Variants in BMF observed in about 807,000 individuals in gnomAD.
BMF encodes the protein bcl-2-modifying factor.
Under a neutral mutation model 22.0 loss-of-function variants are expected in BMF, and 10 were observed. That is an observed-to-expected ratio of 0.45 (90% confidence interval 0.28 to 0.77). The LOEUF (loss-of-function observed/expected upper bound fraction) is 0.77. Among genes scored for constraint, BMF ranks in the 30% least tolerant of loss-of-function variants. BMF has a pLI of 0.13. For synonymous variants in BMF, 87 were observed against 88.1 expected (o/e 0.99, Z 0.07); for missense variants, 206 against 226.8 (o/e 0.91, Z 0.59).
At chr15:40,093,100 G>A (rs1014462073) in intron 4 of BMF, among the ~76,000 whole-genome samples, 1 of 152,224 alleles carries the variant, frequency 6.6e-6, no homozygotes, top group Non-Finnish European at 1.5e-5. Flanking sequence ...TGGAAAGGGG[G>A]CCCAGGTTGC....
intron 3 of BMF, 111 bp downstream of exon 3, chr15:40,105,684 C>T (rs775940240): frequency 1.4e-5 from 18 of 1,304,682 alleles, no homozygotes; most frequent in Non-Finnish European, 1.9e-5. Context: ...AATCAACAGC[C>T]CCGCTGATCA....
rs2036539525 is a variant in BMF, at chr15:40,104,280, T to A, written c.353A>T (p.Glu118Val). 2 of 1,614,076 alleles carry A rather than the reference T, an allele frequency of 1.2e-6. No homozygotes were observed. Among genetic ancestry groups the A allele is most frequent in the African/African-American group, 2.7e-5 (2 of 75,006 alleles). ...ASFPAVLPIG[E>V]QPPEGQWQHQ... ...TTGCCACTGCCCTTCGGGGGGCTGC[T>A]CCCCAATGGGCAAGACTGCTGGGAA... Residue 118 changes from glutamate (E) to valine (V), a missense_variant, in exon 4 of 5, where the codon GAG becomes GTG. Transcript: ENST00000354670.
At chr15:40,100,317 G>A (rs1006051487) in intron 4 of BMF, among the ~76,000 whole-genome samples, 13 of 152,176 alleles carry the variant, frequency 8.5e-5, no homozygotes, top group Admixed American at 5.9e-4. Context: ...CAGGGAGGAA[G>A]TACATCTGCA....
intron 3 of BMF, among the ~76,000 whole-genome samples, chr15:40,104,887 C>A (rs908450648): frequency 6.6e-6 from 1 of 152,336 alleles, no homozygotes; most frequent in South Asian, 2.1e-4. Flanking sequence ...TGCCAAGTTG[C>A]TCTCCGGAGA....
chr15:40,102,480 G>T (rs1343157250), intron 4 of BMF, among the ~76,000 whole-genome samples: 1 of 150,386 alleles, frequency 6.6e-6, no homozygotes, highest in African/African-American at 2.5e-5. Flanking sequence ...TCCTCCTCCT[G>T]TTCAGGACCA....
chr15:40,100,643 G>A (rs1803229492), intron 4 of BMF, among the ~76,000 whole-genome samples: 1 of 152,212 alleles, frequency 6.6e-6, no homozygotes, highest in African/African-American at 2.4e-5. Context: ...GAGTCACCCT[G>A]AACTGGTAAC....
rs2036578628 is a variant in BMF, at chr15:40,105,914, G to C, written c.173C>G (p.Pro58Arg). ...TTCCTGGCTGGTGGGTCGAAGGCCA[G>C]GGCCACAGCAGTGGGTGAGAGGGAA... ...QLFPLTHCCG[P>R]GLRPTSQEDK... is the part of the protein sequence containing the mutation. Residue 58 changes from proline (P) to arginine (R), a missense_variant, in exon 3 of 5, where the codon CCT becomes CGT. By Grantham distance (103) the Pro-to-Arg change is moderately radical. Coordinates refer to ENST00000354670, the MANE Select transcript of BMF (RefSeq NM_001003940.2). 1 of 1,614,172 alleles carries C rather than the reference G, an allele frequency of 6.2e-7. No individual in the cohort carries two copies. The highest frequency in any genetic ancestry group is 8.5e-7 in the Non-Finnish European group (1 of 1,180,026).
intron 4 of BMF, 65 bp from the exon 5 acceptor site, chr15:40,091,953 C>T: frequency 8.1e-7 from 1 of 1,228,310 alleles, no homozygotes. Context: ...GACTCCCTCT[C>T]ATTTCCAGTA....
chr15:40,106,880 A>C lies in BMF; in HGVS notation c.-5-789T>G, dbSNP rs1432462010. On this transcript the variant is annotated intron_variant, in intron 2 of 4. Coordinates refer to ENST00000354670, the MANE Select transcript of BMF (RefSeq NM_001003940.2). This position sits in a 1 kb window ranked among gnomAD's most constrained non-coding sequence, Gnocchi z 4.1. Reference sequence around the variant, plus strand: ...GGGTAGGTCCAGCCTCTCCCAACTAAGTCTCCTCACTAGTCTCCACGACTT... The same window carrying C: ...GGGTAGGTCCAGCCTCTCCCAACTACGTCTCCTCACTAGTCTCCACGACTT... Among the ~76,000 whole-genome samples, 2 of 152,120 alleles carry C rather than the reference A, an allele frequency of 1.3e-5. No homozygotes were observed. Among genetic ancestry groups the C allele is most frequent in the Non-Finnish European group, 2.9e-5 (2 of 68,018 alleles).
At position 40,107,533 on chromosome 15, in the gene BMF, AGTGTGTGTGT is replaced by A. The variant is rs58296260; in HGVS notation, c.-6+716_-6+725del. Among the ~76,000 whole-genome samples, 595 of 137,506 alleles carry A rather than the reference AGTGTGTGTGT, an allele frequency of 4.3e-3. 3 individuals carry two copies. Among genetic ancestry groups the A allele is most frequent in the African/African-American group, 7.7e-3 (277 of 35,902 alleles). The allele number at this position is 137,506 out of a possible 152,430, so 90.2% of individuals were successfully genotyped here. A position where few individuals can be genotyped will look rare whatever the true frequency, so the allele number is the denominator to read the frequency against. On this transcript the variant is annotated intron_variant, in intron 2 of 4. Transcript: ENST00000354670. ...GGTGTTCTTTGGACCGTGTTTCCCAAGTGTGTGTGTGTGTGTGTGTGTGTGTGTGTGTGTG... is the reference window on the plus strand; with the variant it reads ...GGTGTTCTTTGGACCGTGTTTCCCAAGTGTGTGTGTGTGTGTGTGTGTGTG...
At chr15:40,107,678 G>A (rs2036617301) in intron 2 of BMF, among the ~76,000 whole-genome samples, 1 of 152,028 alleles carries the variant, frequency 6.6e-6, no homozygotes, top group South Asian at 2.1e-4. Flanking sequence ...CCTGGCAGGG[G>A]CTCCCCTCCA....
chr15:40,097,479 G>A (rs1040479366), intron 4 of BMF, among the ~76,000 whole-genome samples: 4 of 152,234 alleles, frequency 2.6e-5, no homozygotes, highest in Non-Finnish European at 5.9e-5. Flanking sequence ...GCAAATGTGT[G>A]CTTCCTTGTA....
chr15:40,094,248 T>C (rs1393958365), intron 4 of BMF, among the ~76,000 whole-genome samples: 2 of 152,208 alleles, frequency 1.3e-5, no homozygotes, highest in Non-Finnish European at 2.9e-5. Flanking sequence ...TCTCTGAAGA[T>C]GAGGCACAGA....
At chr15:40,102,983 A>T (rs900420457) in intron 4 of BMF, among the ~76,000 whole-genome samples, 1 of 152,136 alleles carries the variant, frequency 6.6e-6, no homozygotes, top group Non-Finnish European at 1.5e-5. Context: ...CTGGCCCCAA[A>T]CTGTCCTTAG....
chr15:40,098,421 G>A (rs1166997032), intron 4 of BMF, among the ~76,000 whole-genome samples: 4 of 150,984 alleles, frequency 2.6e-5, no homozygotes, highest in African/African-American at 9.7e-5. Flanking sequence ...TCAGAGCTCA[G>A]AAGGGCACAA....
At position 40,098,266 on chromosome 15, in the gene BMF, G is replaced by A. The variant is rs185600883; in HGVS notation, c.453+5914C>T. Among the ~76,000 whole-genome samples, 228 of 152,328 alleles carry A rather than the reference G, an allele frequency of 1.5e-3. 1 individual carries two copies. The highest frequency in any genetic ancestry group is 5.1e-3 in the African/African-American group (212 of 41,578). The stretch of plus-strand genomic sequence containing the variant: ...CCAGCCACTGGGGGTTGAGGGGTAC[G>A]GTTCGGGGACAGAGCTGTGCTGCAC... On this transcript the variant is annotated intron_variant, in intron 4 of 4. Coordinates refer to ENST00000354670, the MANE Select transcript of BMF (RefSeq NM_001003940.2).
chr15:40,105,305 G>T (rs954284877), intron 3 of BMF, among the ~76,000 whole-genome samples: 3 of 152,204 alleles, frequency 2.0e-5, no homozygotes, highest in Non-Finnish European at 4.4e-5. Flanking sequence ...CCCTCTCCTG[G>T]CATTGGGCCC....
Position 40,089,720 on chromosome 15 carries a change from T to C in BMF, c.*2067A>G, listed in dbSNP as rs746115139. The C allele has an allele frequency of 1.3e-5, 2 of 152,270 alleles. No individual in the cohort carries two copies. The highest frequency in any genetic ancestry group is 2.9e-5 in the Non-Finnish European group (2 of 68,070). The allele number at this position is 152,270 out of a possible 1,614,324, so 9.4% of individuals were successfully genotyped here. A position where few individuals can be genotyped will look rare whatever the true frequency, so the allele number is the denominator to read the frequency against. On this transcript the variant is annotated 3_prime_UTR_variant, in exon 5 of 5. Coordinates refer to ENST00000354670, the MANE Select transcript of BMF (RefSeq NM_001003940.2). The stretch of plus-strand genomic sequence containing the variant: ...TGTAAATAATCCCGGTTTTTTGGTG[T>C]GTGCCACTGAAGCATACGGCAGCAG...
chr15:40,093,296 C>G (rs957841279), intron 4 of BMF, among the ~76,000 whole-genome samples: 2 of 152,198 alleles, frequency 1.3e-5, no homozygotes, highest in Admixed American at 6.5e-5. Context: ...ATCATGGCAA[C>G]AGCATTCCTC....
Sources: gnomAD v4.1 joint callset for allele counts (sites outside exome capture counted in the v4.1 genomes callset) on GRCh38, gnomAD v4.1.1 for gene constraint, Gnocchi (gnomAD v3.1) non-coding constraint, MANE v1.5 for transcripts, NCBI Gene and HGNC (gene_info 2026-07-23, HGNC 2026-07-21) for gene names.